The following PIP4K2A variants were observed in gnomAD, a reference collection of about 807,000 sequenced individuals.
PIP4K2A encodes the protein phosphatidylinositol-5-phosphate 4-kinase type 2 alpha.
Under a neutral mutation model 42.9 loss-of-function variants are expected in PIP4K2A, and 14 were observed. The ratio of observed to expected loss-of-function variants is 0.33; its 90% CI spans 0.22 to 0.51. The LOEUF (loss-of-function observed/expected upper bound fraction) is 0.51. Among genes scored for constraint, PIP4K2A ranks in the 20% least tolerant of loss-of-function variants. The probability of loss-of-function intolerance (pLI) is 0.97; values close to 1 mark genes in which losing one functional copy is unlikely to be tolerated. For synonymous variants in PIP4K2A, 192 were observed against 192.2 expected, an observed-to-expected ratio of 1.00 and a Z score of 0.01; for missense variants, 434 against 519.8, an observed-to-expected ratio of 0.83 and a Z score of 1.61.
chr10:22,536,269 C>T lies in PIP4K2A; in HGVS notation c.*932G>A, dbSNP rs1835915723. ...TTCCCACAGTGGGAGATGTAGATAC[C>T]ATTGCCCCAAACTATGCACTTTTCA... On this transcript the variant is annotated 3_prime_UTR_variant, in exon 10 of 10. Coordinates refer to ENST00000376573, the MANE Select transcript of PIP4K2A (RefSeq NM_005028.5). 2.5e-6 allele frequency: 1 copy of T among 396,534 alleles called. No individual in the cohort carries two copies. 24.6% of individuals were successfully genotyped at this position (396,534 alleles called of 1,614,324 possible). A position where few individuals can be genotyped will look rare whatever the true frequency, so the allele number is the denominator to read the frequency against.
At chr10:22,548,057 A>G (rs1363406207) in intron 7 of PIP4K2A, among the ~76,000 whole-genome samples, 3 of 152,246 alleles carry the variant, frequency 2.0e-5, no homozygotes, top group Admixed American at 2.0e-4. Context: ...TGGGTCAGTC[A>G]GCTAAATTAG....
chr10:22,559,593 T>C (rs1836636084), intron 6 of PIP4K2A, among the ~76,000 whole-genome samples: 1 of 152,210 alleles, frequency 6.6e-6, no homozygotes, highest in Admixed American at 6.5e-5. Context: ...TAAAACTTCA[T>C]TTCCAGAATA....
At chr10:22,653,831 G>C (rs184836353) in intron 1 of PIP4K2A, among the ~76,000 whole-genome samples, 1 of 152,094 alleles carries the variant, frequency 6.6e-6, no homozygotes, top group East Asian at 1.9e-4. Context: ...CCAAGATTGC[G>C]CCACTGCACT....
intron 7 of PIP4K2A, among the ~76,000 whole-genome samples, chr10:22,548,995 G>C (rs1049556038): frequency 6.6e-6 from 1 of 152,164 alleles, no homozygotes; most frequent in Non-Finnish European, 1.5e-5. Flanking sequence ...CAAGGCTGCA[G>C]TGAGCTATGC....
chr10:22,604,758 C>G (rs1409878570), intron 3 of PIP4K2A, among the ~76,000 whole-genome samples: 1 of 152,162 alleles, frequency 6.6e-6, no homozygotes, highest in African/African-American at 2.4e-5. Flanking sequence ...AGCAAAGGCA[C>G]ATTGGCAAGC....
At chr10:22,561,565 GTTTTTTTTTTTT>G (rs71394001) in intron 6 of PIP4K2A, among the ~76,000 whole-genome samples, 4 of 113,500 alleles carry the variant, frequency 3.5e-5, no homozygotes, top group Admixed American at 2.0e-4. Context: ...TCTCTACGCA[GTTTTTTTTTTTT>G]TTTTTTTTTT....
intron 6 of PIP4K2A, among the ~76,000 whole-genome samples, chr10:22,561,590 T>TC (rs1440426224): frequency 7.1e-6 from 1 of 140,660 alleles, no homozygotes; most frequent in African/African-American, 3.0e-5. Flanking sequence ...TTTTTTTTTT[T>TC]TCTGAGACAG....
chr10:22,596,792 T>A (rs1244528566), intron 3 of PIP4K2A, among the ~76,000 whole-genome samples: 1 of 152,156 alleles, frequency 6.6e-6, no homozygotes, highest in Non-Finnish European at 1.5e-5. Context: ...AGAGCAGAAA[T>A]GACTTGCCCA....
intron 2 of PIP4K2A, among the ~76,000 whole-genome samples, chr10:22,608,261 A>T (rs530924913): frequency 2.5e-4 from 38 of 152,306 alleles, no homozygotes; most frequent in African/African-American, 9.1e-4. Context: ...GACCTCTTTA[A>T]ATCCTGGCCA....
intron 3 of PIP4K2A, among the ~76,000 whole-genome samples, chr10:22,601,103 A>C (rs1837755086): frequency 7.6e-6 from 1 of 131,022 alleles, no homozygotes; most frequent in Non-Finnish European, 1.6e-5. Flanking sequence ...CCAGGGACCC[A>C]GCCTGGGCAA....
chr10:22,667,865 C>CTGTGTGTGTGTGTG (rs10603287), intron 1 of PIP4K2A, among the ~76,000 whole-genome samples: 5 of 132,550 alleles, frequency 3.8e-5, no homozygotes, highest in South Asian at 2.6e-4. Flanking sequence ...CAGTGAACTT[C>CTGTGTGTGTGTGTG]TGTGTGTGTG....
At chr10:22,546,220 T>C (rs1412400020) in intron 7 of PIP4K2A, among the ~76,000 whole-genome samples, 1 of 152,142 alleles carries the variant, frequency 6.6e-6, no homozygotes. Flanking sequence ...ATTAAGATAA[T>C]GAAACTGAGA....
intron 1 of PIP4K2A, among the ~76,000 whole-genome samples, chr10:22,656,273 C>A (rs942834905): frequency 2.0e-5 from 3 of 152,218 alleles, no homozygotes; most frequent in African/African-American, 7.2e-5. Flanking sequence ...GGGGCACCGG[C>A]CCCTCTCGAA....
rs1326334 is a variant in PIP4K2A, at chr10:22,555,878, T to C, written c.679-5106A>G. The stretch of plus-strand genomic sequence containing the variant: ...GGCCACACATAGAATCAGTGAACAC[T>C]AATGAGAGCTGATGAGCTTAAAAAA... On this transcript the variant is annotated intron_variant, in intron 6 of 9. Transcript: ENST00000376573. Among the ~76,000 whole-genome samples, 848 of 144,330 alleles carry C rather than the reference T, an allele frequency of 5.9e-3. 12 individuals carry two copies. Among genetic ancestry groups the C allele is most frequent in the African/African-American group, 0.02 (772 of 38,666 alleles). 94.7% of individuals were successfully genotyped at this position (144,330 alleles called of 152,430 possible). A position where few individuals can be genotyped will look rare whatever the true frequency, so the allele number is the denominator to read the frequency against.
Position 22,578,838 on chromosome 10 carries a change from A to G in PIP4K2A, c.493-5381T>C, listed in dbSNP as rs78275502. 1.8e-3 allele frequency among the ~76,000 whole-genome samples: 274 copies of G among 152,252 alleles called. 1 individual carries two copies. The highest frequency in any genetic ancestry group is 6.5e-3 in the African/African-American group (270 of 41,532). ...ATGTGTAAAAACCATTTCATATACA[A>G]CTGTTGAATAAATGAATCCAGCAAA... is the stretch of plus-strand genomic sequence containing the variant. On this transcript the variant is annotated intron_variant, in intron 4 of 9. Coordinates refer to ENST00000376573, the MANE Select transcript of PIP4K2A (RefSeq NM_005028.5).
chr10:22,569,962 CTG>C (rs777024308), intron 5 of PIP4K2A, among the ~76,000 whole-genome samples: 10 of 151,924 alleles, frequency 6.6e-5, no homozygotes, highest in Non-Finnish European at 1.0e-4. Flanking sequence ...GGAGATGAAA[CTG>C]TGAAAAAAGC....
intron 6 of PIP4K2A, among the ~76,000 whole-genome samples, chr10:22,552,889 T>C (rs753072726): frequency 2.0e-5 from 3 of 152,130 alleles, no homozygotes; most frequent in Non-Finnish European, 4.4e-5. Flanking sequence ...TGTTTTTTTC[T>C]GGTTTTGTAT....
Position 22,682,034 on chromosome 10 carries a change from T to C in PIP4K2A, c.144+32149A>G, listed in dbSNP as rs192845306. Among the ~76,000 whole-genome samples the C allele has an allele frequency of 1.1e-4, 17 of 152,290 alleles. No individual in the cohort carries two copies. In the East Asian group the frequency reaches 1.5e-3, roughly 14 times the overall value. ...GTACATACGTAAAAACTATCCTTAG[T>C]TCGTGGCCACACAAAAACAAGCAGC... On this transcript the variant is annotated intron_variant, in intron 1 of 9. Coordinates refer to ENST00000376573, the MANE Select transcript of PIP4K2A (RefSeq NM_005028.5).
intron 3 of PIP4K2A, among the ~76,000 whole-genome samples, chr10:22,598,165 C>G (rs933594370): frequency 1.3e-5 from 2 of 152,090 alleles, no homozygotes; most frequent in Non-Finnish European, 2.9e-5. Context: ...TGGGACCAGC[C>G]TGGGCAGCAT....
Sources: allele counts gnomAD v4.1 joint callset (sites outside exome capture counted in the v4.1 genomes callset), GRCh38; gene constraint gnomAD v4.1.1; transcripts MANE v1.5; gene names NCBI Gene and HGNC (gene_info 2026-07-23, HGNC 2026-07-21).